The following RAP1GAP2 variants were observed in gnomAD, a reference collection of about 807,000 sequenced individuals.
RAP1GAP2 encodes the protein RAP1 GTPase activating protein 2.
In RAP1GAP2, 27 loss-of-function variants were observed where a neutral mutation model predicts 95.0. The ratio of observed to expected loss-of-function variants is 0.28; its 90% CI spans 0.21 to 0.39. RAP1GAP2 has a LOEUF of 0.39. Among genes scored for constraint, RAP1GAP2 ranks in the 10% least tolerant of loss-of-function variants. The probability of loss-of-function intolerance (pLI) is 1.00; values close to 1 mark genes in which losing one functional copy is unlikely to be tolerated. For missense variants in RAP1GAP2, 771 were observed against 970.0 expected (o/e 0.79, Z 2.72); for synonymous variants, 373 against 380.9 (o/e 0.98, Z 0.24).
At chr17:2,944,402 C>T (rs1057296963) in intron 3 of RAP1GAP2, among the ~76,000 whole-genome samples, 7 of 152,168 alleles carry the variant, frequency 4.6e-5, no homozygotes, top group Non-Finnish European at 7.3e-5. Context: ...ACTATTCTTT[C>T]CCTAGGATTG....
chr17:2,873,389 C>T (rs535685281), intron 2 of RAP1GAP2, among the ~76,000 whole-genome samples: 4 of 136,346 alleles, frequency 2.9e-5, no homozygotes, highest in South Asian at 2.4e-4. Context: ...GTGGGAGGAT[C>T]GCCTGAGCCC....
At chr17:2,808,370 G>C (rs760699368) in intron 2 of RAP1GAP2, among the ~76,000 whole-genome samples, 11 of 152,122 alleles carry the variant, frequency 7.2e-5, no homozygotes, top group East Asian at 1.9e-4. Context: ...GAGAACTAGC[G>C]AGTTTGGGCA....
intron 17 of RAP1GAP2, among the ~76,000 whole-genome samples, chr17:3,012,962 A>C (rs1451573426): frequency 6.6e-6 from 1 of 152,214 alleles, no homozygotes; most frequent in Admixed American, 6.5e-5. Flanking sequence ...TGCAGGCCAC[A>C]TTTTGAGAAA....
chr17:2,879,804 A>G (rs774137179), intron 2 of RAP1GAP2, among the ~76,000 whole-genome samples: 2 of 151,258 alleles, frequency 1.3e-5, no homozygotes, highest in Non-Finnish European at 2.9e-5. Flanking sequence ...ATTCAGATCC[A>G]TCCCCACTGA....
intron 3 of RAP1GAP2, among the ~76,000 whole-genome samples, chr17:2,907,645 T>C (rs2042242319): frequency 6.6e-6 from 1 of 151,614 alleles, no homozygotes; most frequent in African/African-American, 2.4e-5. Context: ...GCCCTGAAAA[T>C]TGGATAGGTG....
chr17:2,770,815 T>A (rs1597276627), intron 2 of RAP1GAP2, among the ~76,000 whole-genome samples: 1 of 151,706 alleles, frequency 6.6e-6, no homozygotes, highest in Non-Finnish European at 1.5e-5. Flanking sequence ...CTGAGGTGGG[T>A]GGATCACTTG....
intron 1 of RAP1GAP2, among the ~76,000 whole-genome samples, chr17:2,778,398 T>C (rs2068557443): frequency 6.6e-6 from 1 of 151,954 alleles, no homozygotes; most frequent in African/African-American, 2.4e-5. Flanking sequence ...TAAGCTTGGG[T>C]AGGGTCGGGG....
intron 10 of RAP1GAP2, among the ~76,000 whole-genome samples, chr17:2,984,767 C>T (rs2045495815): frequency 6.6e-6 from 1 of 152,132 alleles, no homozygotes; most frequent in Non-Finnish European, 1.5e-5. Flanking sequence ...GGTTTGGTTC[C>T]TACTGGGGAA....
rs2072074923 is a variant in RAP1GAP2 at position 2,855,065 on chromosome 17, T to C, written c.81-50219T>C. Among the ~76,000 whole-genome samples, 1 of 152,142 alleles carries C rather than the reference T, an allele frequency of 6.6e-6. No individual in the cohort carries two copies. The highest frequency in any genetic ancestry group is 6.6e-5 in the Admixed American group (1 of 15,266). On this transcript the variant is annotated intron_variant, in intron 2 of 24. Coordinates refer to ENST00000254695, the MANE Select transcript of RAP1GAP2 (RefSeq NM_015085.5). The surrounding 1 kb of genome is among the most constrained non-coding windows in gnomAD (Gnocchi z 4.3). ...GGGGGTGACCAGCAGCCCCTGGATA[T>C]GCCCACAGGTATGAACGTACCTGGG...
intron 1 of RAP1GAP2, among the ~76,000 whole-genome samples, chr17:2,787,948 G>A (rs1399036381): frequency 2.6e-5 from 4 of 152,156 alleles, no homozygotes; most frequent in Non-Finnish European, 5.9e-5. Flanking sequence ...TATTTTCAGT[G>A]GCTAGATAGT....
intron 2 of RAP1GAP2, among the ~76,000 whole-genome samples, chr17:2,805,382 G>T (rs1050658144): frequency 6.6e-6 from 1 of 151,954 alleles, no homozygotes; most frequent in Admixed American, 6.6e-5. Context: ...TTGAGACCGC[G>T]TCTTGGTCTG....
intron 2 of RAP1GAP2, among the ~76,000 whole-genome samples, chr17:2,817,876 T>C (rs9904361): frequency 0.71 from 75,406 of 106,658 alleles, 32,552 homozygotes; most frequent in African/African-American, 0.91. Context: ...CTGGCTTTGT[T>C]GCCCAGGCTG....
intron 16 of RAP1GAP2, 61 bp downstream of exon 16, chr17:3,006,102 C>T (rs886989618): frequency 3.3e-6 from 3 of 906,226 alleles, no homozygotes; most frequent in East Asian, 5.6e-5. Context: ...TAGCCAGCCT[C>T]ATCCAGGGCT....
chr17:3,001,685 C>G (rs572832157), intron 14 of RAP1GAP2, among the ~76,000 whole-genome samples: 1 of 152,366 alleles, frequency 6.6e-6, no homozygotes, highest in African/African-American at 2.4e-5. Flanking sequence ...TCAACTGCTT[C>G]TTTTAATAGA....
chr17:2,880,077 G>T (rs1358606127), intron 2 of RAP1GAP2, among the ~76,000 whole-genome samples: 2 of 152,172 alleles, frequency 1.3e-5, no homozygotes, highest in Non-Finnish European at 2.9e-5. Context: ...TGGGAGCAGG[G>T]GGCTGGGAGC....
intron 2 of RAP1GAP2, among the ~76,000 whole-genome samples, chr17:2,876,133 T>C (rs1344603090): frequency 6.6e-6 from 1 of 151,890 alleles, no homozygotes; most frequent in African/African-American, 2.4e-5. Flanking sequence ...GAGACGGGGT[T>C]TCACCGTGTT....
chr17:2,884,372 G>GTTGTT (rs2073409073), intron 2 of RAP1GAP2, among the ~76,000 whole-genome samples: 1 of 123,738 alleles, frequency 8.1e-6, no homozygotes, highest in African/African-American at 3.0e-5. Context: ...TTCTTGAGTT[G>GTTGTT]TTTTTTTTTT....
chr17:2,971,414 A>G (rs2044861968), intron 8 of RAP1GAP2, among the ~76,000 whole-genome samples: 1 of 152,150 alleles, frequency 6.6e-6, no homozygotes. Flanking sequence ...AAAAAAATTT[A>G]TTACCTTAAA....
chr17:2,804,150 C>T (rs550848236), intron 2 of RAP1GAP2, among the ~76,000 whole-genome samples: 49 of 152,278 alleles, frequency 3.2e-4, no homozygotes, highest in African/African-American at 1.1e-3. Context: ...TGCCATGTAG[C>T]GGATACTCCT....
Sources: allele counts gnomAD v4.1 joint callset (sites outside exome capture counted in the v4.1 genomes callset), GRCh38; gene constraint gnomAD v4.1.1; non-coding constraint Gnocchi (gnomAD v3.1); transcripts MANE v1.5; gene names NCBI Gene and HGNC (gene_info 2026-07-23, HGNC 2026-07-21).